Variants in SMIM7 observed in about 807,000 individuals in gnomAD.
The protein encoded by SMIM7 is UPF0608 protein C19orf42.
SMIM7 carries 12 observed loss-of-function variants against 13.3 expected under a neutral mutation model. The ratio of observed to expected loss-of-function variants is 0.90; its 90% CI spans 0.58 to 1.46. The LOEUF is 1.46. Ranked by LOEUF, SMIM7 falls within the 40% of genes most tolerant of loss-of-function variation. The pLI is 0.00. For missense variants in SMIM7, 114 were observed against 94.8 expected (o/e 1.20, Z -0.84); for synonymous variants, 36 against 35.8 (o/e 1.01, Z -0.02).
At position 16,654,085 on chromosome 19, in the gene SMIM7, A is replaced by C; in HGVS notation, c.162T>G (p.Phe54Leu). 1 of 1,614,148 alleles carries C rather than the reference A, an allele frequency of 6.2e-7. No individual in the cohort carries two copies. The highest frequency in any genetic ancestry group is 8.5e-7 in the Non-Finnish European group (1 of 1,180,026). ...IREFLLSLRY[F>L]RIFIALWNIF... ...TGTTCCACAGGGCGATGAAGATTCGAAAGTATCTGAGGCTCAGCAAGAATT... is the reference window on the plus strand; with the variant it reads ...TGTTCCACAGGGCGATGAAGATTCGCAAGTATCTGAGGCTCAGCAAGAATT... Residue 54 changes from phenylalanine to leucine, a missense_variant, in exon 4 of 5, where the codon TTT becomes TTG. Phe to Leu is a conservative substitution (Grantham distance 22). Coordinates refer to ENST00000487416, the MANE Select transcript of SMIM7 (RefSeq NM_024104.4).
At chr19:16,643,108 G>C (rs1324614844), downstream of SMIM7, among the ~76,000 whole-genome samples, 1 of 151,840 alleles carries the variant, frequency 6.6e-6, no homozygotes, top group Non-Finnish European at 1.5e-5. Flanking sequence ...GGCCAAGTGA[G>C]ACTCTGTCTC....
Position 16,659,947 on chromosome 19 carries a change from C to G in SMIM7, c.68+12G>C. ...CCCGGATGGAGCCGCAGTCCGGCCGCGACCTACTCACAGCTTAAAGTTCAG... is the reference window on the plus strand; with the variant it reads ...CCCGGATGGAGCCGCAGTCCGGCCGGGACCTACTCACAGCTTAAAGTTCAG... On this transcript the variant is annotated intron_variant, in intron 2 of 4. Transcript: ENST00000487416. 1.2e-6 allele frequency: 2 copies of G among 1,609,018 alleles called. No individual in the cohort carries two copies. The highest frequency in any genetic ancestry group is 1.7e-6 in the Non-Finnish European group (2 of 1,178,134).
At chr19:16,652,998 A>T (rs3745330) in intron 4 of SMIM7, 2 of 1,549,110 alleles carry the variant, frequency 1.3e-6, no homozygotes, top group South Asian at 2.4e-5. Flanking sequence ...TTAAAACAAT[A>T]AAGTCTGAAT....
chr19:16,655,231 G>A (rs1192459667), intron 3 of SMIM7: 1 of 435,000 alleles, frequency 2.3e-6, no homozygotes, highest in Non-Finnish European at 4.7e-6. Flanking sequence ...TCTTGGTGAT[G>A]ACTTACTCTG....
At chr19:16,657,560 T>A (rs1013735185) in intron 3 of SMIM7, among the ~76,000 whole-genome samples, 6 of 152,236 alleles carry the variant, frequency 3.9e-5, no homozygotes, top group African/African-American at 1.4e-4. Context: ...TGATTCCCTA[T>A]GTGGCCACAA....
At chr19:16,635,524 C>A (rs904374872) in intron 4 of SMIM7, among the ~76,000 whole-genome samples, 1 of 152,056 alleles carries the variant, frequency 6.6e-6, no homozygotes, top group Non-Finnish European at 1.5e-5. Context: ...ACAACAAACT[C>A]ACCCTAGCCA....
At chr19:16,639,825 A>G (rs191274514) in intron 4 of SMIM7, 2 of 152,194 alleles carry the variant, frequency 1.3e-5, no homozygotes, top group East Asian at 1.9e-4. Context: ...GGGTAGAAGG[A>G]TATGTTTGTT....
At chr19:16,659,508 C>T (rs1301177024) in intron 2 of SMIM7, 61 bp from the exon 3 acceptor site, 7 of 1,539,882 alleles carry the variant, frequency 4.5e-6, no homozygotes, top group African/African-American at 1.4e-5. Context: ...AGCCCCCTGA[C>T]CCCCAGCTCA....
At chr19:16,644,810 A>C (rs2086433582), downstream of SMIM7, 1 of 152,240 alleles carries the variant, frequency 6.6e-6, no homozygotes, top group Admixed American at 6.5e-5. Flanking sequence ...AGAAGACAGA[A>C]AACACACACG....
chr19:16,654,106 G>A lies in SMIM7; in HGVS notation c.141C>T (p.Phe47=), dbSNP rs1568306235. 3.1e-6 allele frequency: 5 copies of A among 1,614,072 alleles called. No homozygotes were observed. Among genetic ancestry groups the A allele is most frequent in the Middle Eastern group, 1.6e-4 (1 of 6,062 alleles). ...EPSTGDNIRE[F]LLSLRYFRIF... ...TTCGAAAGTATCTGAGGCTCAGCAAGAATTCCCGGATGTTGTCACCTGGAA... is the reference window on the plus strand; with the variant it reads ...TTCGAAAGTATCTGAGGCTCAGCAAAAATTCCCGGATGTTGTCACCTGGAA... The change falls in exon 4 of 5, where the codon TTC becomes TTT. Residue 47 remains phenylalanine, a synonymous_variant. Coordinates refer to ENST00000487416, the MANE Select transcript of SMIM7 (RefSeq NM_024104.4).
chr19:16,656,720 G>A (rs1179306408), intron 3 of SMIM7, among the ~76,000 whole-genome samples: 4 of 151,970 alleles, frequency 2.6e-5, no homozygotes, highest in Non-Finnish European at 5.9e-5. Context: ...CCAACATGGC[G>A]AAACCCCATC....
Position 16,659,350 on chromosome 19 carries a change from C to T in SMIM7, c.121+45G>A, listed in dbSNP as rs779642194. ...GTAGGGCTTGGCGAAACAGAACTGT[C>T]CTCTGAAGTGGACCATGCAATTCCA... On this transcript the variant is annotated intron_variant, in intron 3 of 4. Transcript: ENST00000487416. 5.1e-6 allele frequency: 8 copies of T among 1,564,038 alleles called. No homozygotes were observed. In the Admixed American group the frequency reaches 1.3e-4, roughly 26 times the overall value.
At chr19:16,648,153 T>C (rs1293075786) in intron 4 of SMIM7, among the ~76,000 whole-genome samples, 1 of 152,208 alleles carries the variant, frequency 6.6e-6, no homozygotes, top group Non-Finnish European at 1.5e-5. Context: ...AAACTTTTTT[T>C]TTTTTGAGAT....
chr19:16,657,086 T>C (rs189637178), intron 3 of SMIM7, among the ~76,000 whole-genome samples: 41 of 152,220 alleles, frequency 2.7e-4, no homozygotes, highest in African/African-American at 9.6e-4. Flanking sequence ...CTTGTGTCAA[T>C]AGGGGTGTCA....
chr19:16,632,615 T>C (rs2086330052), intron 4 of SMIM7, among the ~76,000 whole-genome samples: 1 of 148,060 alleles, frequency 6.8e-6, no homozygotes, highest in Non-Finnish European at 1.5e-5. Context: ...TGGGCTCACC[T>C]CTACCTCTTG....
intron 4 of SMIM7, among the ~76,000 whole-genome samples, chr19:16,635,837 T>C (rs902752708): frequency 6.2e-5 from 9 of 145,832 alleles, no homozygotes; most frequent in South Asian, 2.1e-4. Flanking sequence ...TGGGCCCAGA[T>C]TGTACCACTG....
At chr19:16,638,128 G>A (rs566550449) in intron 4 of SMIM7, among the ~76,000 whole-genome samples, 15 of 151,624 alleles carry the variant, frequency 9.9e-5, no homozygotes, top group Middle Eastern at 3.4e-3. Flanking sequence ...TTAGCCAGGC[G>A]TGGTGGTACG....
chr19:16,642,214 GTTAAA>G (rs1027975228), downstream of SMIM7, among the ~76,000 whole-genome samples: 2 of 152,158 alleles, frequency 1.3e-5, no homozygotes, highest in Non-Finnish European at 1.5e-5. Flanking sequence ...CTGGGGACTG[GTTAAA>G]TTAATCATGG....
intron 4 of SMIM7, among the ~76,000 whole-genome samples, chr19:16,638,628 A>T (rs1452274103): frequency 6.6e-6 from 1 of 152,062 alleles, no homozygotes; most frequent in Non-Finnish European, 1.5e-5. Flanking sequence ...TTTCTTATAA[A>T]TTACCCATTT....
Sources: allele counts gnomAD v4.1 joint callset (sites outside exome capture counted in the v4.1 genomes callset), GRCh38; gene constraint gnomAD v4.1.1; transcripts MANE v1.5; gene names NCBI Gene and HGNC (gene_info 2026-07-23, HGNC 2026-07-21).